Variants in THSD7B observed in about 807,000 individuals in gnomAD.
The protein encoded by THSD7B is thrombospondin type-1 domain-containing protein 7B.
A neutral mutation model predicts 213.6 loss-of-function variants in THSD7B; 138 were observed. That is an observed-to-expected ratio of 0.65 (90% CI 0.56 to 0.74). The LOEUF (loss-of-function observed/expected upper bound fraction) is 0.74, where lower values mean the gene tolerates loss of function less well. Among genes scored for constraint, THSD7B ranks in the 30% least tolerant of loss-of-function variants. The pLI, the probability that THSD7B is intolerant of heterozygous loss-of-function variation, is 0.00. For missense variants in THSD7B, 1,931 were observed against 1,991.5 expected (o/e 0.97, Z 0.58); for synonymous variants, 742 against 687.0 (o/e 1.08, Z -1.25).
intron 24 of THSD7B, among the ~76,000 whole-genome samples, chr2:137,657,614 C>A (rs1425675904): frequency 6.6e-6 from 1 of 152,104 alleles, no homozygotes; most frequent in Non-Finnish European, 1.5e-5. Context: ...ATGCAGAAAG[C>A]TTTTATGATG....
Position 137,449,876 on chromosome 2 carries a change from A to G in THSD7B, c.2960-969A>G, listed in dbSNP as rs149472647. Among the ~76,000 whole-genome samples, 4 of 152,256 alleles carry G rather than the reference A, an allele frequency of 2.6e-5. No homozygotes were observed. The East Asian group carries it at 7.7e-4, about 29-fold the overall frequency. On this transcript the variant is annotated intron_variant, in intron 14 of 27. Coordinates refer to ENST00000409968, the MANE Select transcript of THSD7B (RefSeq NM_001316349.2). ...TCTGTAAATTCCCTTCACATTTGCC[A>G]TATACCATAACCTAATAATGGGAGG...
chr2:137,209,489 A>G (rs1308290705), intron 7 of THSD7B, among the ~76,000 whole-genome samples: 1 of 152,076 alleles, frequency 6.6e-6, no homozygotes, highest in Admixed American at 6.6e-5. Flanking sequence ...TCACACAATT[A>G]CATTGTTTAC....
At position 137,233,052 on chromosome 2, in the gene THSD7B, G is replaced by C; in HGVS notation, c.2069G>C (p.Gly690Ala). ...CTTAATGCAACCATTGGCTGGAATG[G>C]AGAAGCCACGTGTGGTGTAGGCATT... ...TALNATIGWN[G>A]EATCGVGIQT... The change falls in exon 9 of 28, where the codon GGA (glycine) becomes GCA (alanine). Residue 690 changes from glycine (G) to alanine (A), a missense_variant. Gly to Ala is a moderately conservative substitution (Grantham distance 60). Transcript: ENST00000409968. 6.2e-7 allele frequency: 1 copy of C among 1,613,942 alleles called. No homozygotes were observed. The highest frequency in any genetic ancestry group is 8.5e-7 in the Non-Finnish European group (1 of 1,179,842).
chr2:137,451,749 A>G (rs1687656680), intron 15 of THSD7B, among the ~76,000 whole-genome samples: 1 of 152,114 alleles, frequency 6.6e-6, no homozygotes, highest in African/African-American at 2.4e-5. Flanking sequence ...ATGATTGTGT[A>G]CTGATTATTA....
At chr2:137,243,470 C>A (rs1681959128) in intron 10 of THSD7B, among the ~76,000 whole-genome samples, 1 of 152,218 alleles carries the variant, frequency 6.6e-6, no homozygotes, top group Non-Finnish European at 1.5e-5. Flanking sequence ...CTTCTCTTGG[C>A]AGCCATGTCC....
chr2:137,094,980 G>A lies in THSD7B; in HGVS notation c.1058G>A (p.Arg353His), dbSNP rs61741426. ...SSWSPCSKTCRSGSLLPGFRS... is the reference protein window; with the variant it reads ...SSWSPCSKTCHSGSLLPGFRS... Reference sequence around the variant, plus strand: ...TGGAGCCCCTGCTCCAAGACATGCCGTTCAGGGAGTCTCTTGCCAGGATTT... The same window carrying A: ...TGGAGCCCCTGCTCCAAGACATGCCATTCAGGGAGTCTCTTGCCAGGATTT... Residue 353 changes from arginine (R) to histidine (H), a missense_variant, in exon 4 of 28, where the codon CGT (arginine) becomes CAT (histidine). Arg to His is a conservative substitution (Grantham distance 29). Coordinates refer to ENST00000409968, the MANE Select transcript of THSD7B (RefSeq NM_001316349.2). The A allele has an allele frequency of 0.05, 81,068 of 1,613,726 alleles. 2,616 individuals are homozygous for A. Among genetic ancestry groups the A allele is most frequent in the Non-Finnish European group, 0.063 (74,695 of 1,179,824 alleles).
intron 7 of THSD7B, among the ~76,000 whole-genome samples, chr2:137,171,979 A>C (rs1023129349): frequency 4.6e-5 from 7 of 152,238 alleles, no homozygotes; most frequent in African/African-American, 1.7e-4. Context: ...AGCAGAGTTA[A>C]AACTAATAGC....
chr2:136,827,318 C>T (rs1202242105), intron 1 of THSD7B, among the ~76,000 whole-genome samples: 1 of 152,060 alleles, frequency 6.6e-6, no homozygotes, highest in Admixed American at 6.5e-5. Context: ...CCTATTTGGA[C>T]CAGCATCTGA....
At chr2:137,584,924 C>T (rs924777917) in intron 17 of THSD7B, among the ~76,000 whole-genome samples, 1 of 152,112 alleles carries the variant, frequency 6.6e-6, no homozygotes, top group Non-Finnish European at 1.5e-5. Flanking sequence ...CCAGCTCCTC[C>T]TTGTACCTCT....
intron 7 of THSD7B, among the ~76,000 whole-genome samples, chr2:137,175,345 A>G (rs1183755015): frequency 2.0e-5 from 3 of 152,238 alleles, no homozygotes; most frequent in Non-Finnish European, 4.4e-5. Flanking sequence ...CTGCACTTCT[A>G]GAAGGCAAAT....
At chr2:136,948,252 C>T (rs1470962247) in intron 2 of THSD7B, among the ~76,000 whole-genome samples, 1 of 152,146 alleles carries the variant, frequency 6.6e-6, no homozygotes. Flanking sequence ...TGCCCCTGCT[C>T]ACAAACCTTC....
intron 7 of THSD7B, among the ~76,000 whole-genome samples, chr2:137,173,668 T>C (rs1003399493): frequency 1.3e-5 from 2 of 152,220 alleles, no homozygotes; most frequent in Non-Finnish European, 2.9e-5. Context: ...GCAATGGCCA[T>C]GGTCGTGGTT....
chr2:136,964,099 C>A (rs1404511423), intron 2 of THSD7B, among the ~76,000 whole-genome samples: 1 of 152,198 alleles, frequency 6.6e-6, no homozygotes, highest in South Asian at 2.1e-4. Flanking sequence ...TTTGATACCA[C>A]GGGATTCCCA....
At chr2:137,559,351 G>T (rs900223514) in intron 15 of THSD7B, among the ~76,000 whole-genome samples, 1 of 152,102 alleles carries the variant, frequency 6.6e-6, no homozygotes, top group South Asian at 2.1e-4. Context: ...GCATGGTACT[G>T]GTACCAAAAC....
intron 1 of THSD7B, among the ~76,000 whole-genome samples, chr2:136,825,870 T>A (rs1682639679): frequency 6.6e-6 from 1 of 151,996 alleles, no homozygotes; most frequent in African/African-American, 2.4e-5. Flanking sequence ...CTCTTTTAAG[T>A]ACACATATGA....
intron 5 of THSD7B, among the ~76,000 whole-genome samples, chr2:137,116,916 T>C (rs1688455843): frequency 6.6e-6 from 1 of 152,134 alleles, no homozygotes; most frequent in East Asian, 1.9e-4. Context: ...CAAAGCACAC[T>C]TGGAAATTAA....
chr2:136,961,254 T>C (rs1685213700), intron 2 of THSD7B, among the ~76,000 whole-genome samples: 1 of 138,360 alleles, frequency 7.2e-6, no homozygotes, highest in African/African-American at 2.8e-5. Flanking sequence ...GGAGTCTCAC[T>C]CTGTTGCCCA....
chr2:136,909,772 T>A (rs1684227192), intron 2 of THSD7B, among the ~76,000 whole-genome samples: 1 of 152,256 alleles, frequency 6.6e-6, no homozygotes, highest in South Asian at 2.1e-4. Context: ...ATCCACACGA[T>A]GCTTCCATAT....
At chr2:137,440,434 C>T (rs1260294663) in intron 14 of THSD7B, among the ~76,000 whole-genome samples, 1 of 151,536 alleles carries the variant, frequency 6.6e-6, no homozygotes, top group Non-Finnish European at 1.5e-5. Flanking sequence ...ATCCACCCTC[C>T]TCTCCAATAA....
Sources: allele counts gnomAD v4.1 joint callset (sites outside exome capture counted in the v4.1 genomes callset), GRCh38; gene constraint gnomAD v4.1.1; transcripts MANE v1.5; gene names NCBI Gene and HGNC (gene_info 2026-07-23, HGNC 2026-07-21).